GRID2: variants seen among roughly 807,000 people sequenced by gnomAD.
GRID2 encodes glutamate receptor ionotropic, delta-2.
In GRID2, 33 loss-of-function variants were observed where a neutral mutation model predicts 114.8. That is an observed-to-expected ratio of 0.29 (90% CI 0.22 to 0.38). GRID2 has a LOEUF of 0.38. Among genes scored for constraint, GRID2 ranks in the 10% least tolerant of loss-of-function variants. GRID2 has a pLI of 1.00. For synonymous variants in GRID2, 505 were observed against 449.9 expected (o/e 1.12, Z -1.55); for missense variants, 1,184 against 1,257.7 (o/e 0.94, Z 0.89).
chr4:93,481,308 AG>A (rs1389309716), intron 11 of GRID2, among the ~76,000 whole-genome samples: 1 of 152,100 alleles, frequency 6.6e-6, no homozygotes, highest in East Asian at 1.9e-4. Flanking sequence ...AATAACAAGA[AG>A]GTTCAGAAGA....
chr4:93,730,652 G>A (rs1560953177), intron 14 of GRID2, among the ~76,000 whole-genome samples: 1 of 152,156 alleles, frequency 6.6e-6, no homozygotes. Context: ...ATTGCTGAGG[G>A]AGCCCCAAAC....
At chr4:93,098,153 A>G (rs1731387362) in intron 3 of GRID2, among the ~76,000 whole-genome samples, 1 of 151,962 alleles carries the variant, frequency 6.6e-6, no homozygotes. Context: ...CCTCTTTTTA[A>G]AATACAAAGC....
chr4:93,275,930 C>T (rs1017196454), intron 8 of GRID2, among the ~76,000 whole-genome samples: 9 of 151,688 alleles, frequency 5.9e-5, no homozygotes, highest in Admixed American at 5.3e-4. Context: ...TTTTCACTTC[C>T]TTGATGTTAT....
chr4:93,316,276 A>AAAAGAACGAAAGAACGAAAGAACG (rs1245535342), intron 8 of GRID2, among the ~76,000 whole-genome samples: 71 of 57,388 alleles, frequency 1.2e-3, no homozygotes, highest in African/African-American at 1.6e-3. Context: ...AGAAAGAAAG[A>AAAAGAACGAAAGAACGAAAGAACG]AAAGAACGAA....
chr4:93,496,981 T>C (rs1331007939), intron 12 of GRID2, among the ~76,000 whole-genome samples: 1 of 151,790 alleles, frequency 6.6e-6, no homozygotes, highest in Non-Finnish European at 1.5e-5. Flanking sequence ...GGCTGTACCA[T>C]TTTGTGTTTC....
At chr4:93,282,857 C>T (rs562848242) in intron 8 of GRID2, among the ~76,000 whole-genome samples, 12 of 152,036 alleles carry the variant, frequency 7.9e-5, no homozygotes, top group African/African-American at 2.7e-4. Flanking sequence ...GAAGGCAAAG[C>T]GTGAACAGGC....
intron 8 of GRID2, among the ~76,000 whole-genome samples, chr4:93,353,250 C>T (rs1760981393): frequency 6.6e-6 from 1 of 151,816 alleles, no homozygotes; most frequent in East Asian, 1.9e-4. Context: ...AGAGCTGTCA[C>T]CAGATGTAAC....
chr4:92,741,742 C>T (rs1434452069), intron 2 of GRID2, among the ~76,000 whole-genome samples: 2 of 152,030 alleles, frequency 1.3e-5, no homozygotes, highest in Admixed American at 1.3e-4. Context: ...ATCTTTTTTC[C>T]CCTCAGAATA....
chr4:92,948,286 C>T (rs1751789163), intron 2 of GRID2, among the ~76,000 whole-genome samples: 1 of 151,742 alleles, frequency 6.6e-6, no homozygotes, highest in East Asian at 1.9e-4. Flanking sequence ...TTTTAACATC[C>T]TTTTTTGCTA....
At chr4:93,665,358 T>C (rs1723857591) in intron 14 of GRID2, among the ~76,000 whole-genome samples, 1 of 152,234 alleles carries the variant, frequency 6.6e-6, no homozygotes, top group African/African-American at 2.4e-5. Context: ...CCAAAATTAC[T>C]AATTCATACT....
chr4:92,666,367 A>G (rs1205924736), intron 2 of GRID2, among the ~76,000 whole-genome samples: 1 of 151,466 alleles, frequency 6.6e-6, no homozygotes, highest in Non-Finnish European at 1.5e-5. Context: ...AGTTGTTTTA[A>G]AGTCATTTTC....
intron 2 of GRID2, among the ~76,000 whole-genome samples, chr4:92,990,064 T>C (rs1256546251): frequency 2.6e-5 from 4 of 152,008 alleles, no homozygotes; most frequent in Admixed American, 2.0e-4. Flanking sequence ...TCAAACAAAA[T>C]AAAGACATTT....
intron 2 of GRID2, among the ~76,000 whole-genome samples, chr4:92,846,568 A>T (rs991168096): frequency 6.6e-6 from 1 of 152,046 alleles, no homozygotes; most frequent in African/African-American, 2.4e-5. Context: ...GTTGCTTATC[A>T]GGTCTTCCCC....
At chr4:93,097,048 G>A (rs1731283630) in intron 3 of GRID2, among the ~76,000 whole-genome samples, 1 of 151,946 alleles carries the variant, frequency 6.6e-6, no homozygotes, top group Non-Finnish European at 1.5e-5. Flanking sequence ...GAGTAATACT[G>A]TATGATTCCA....
intron 2 of GRID2, among the ~76,000 whole-genome samples, chr4:93,068,861 A>G: frequency 6.6e-6 from 1 of 152,018 alleles, no homozygotes; most frequent in East Asian, 1.9e-4. Context: ...TGATAGAGAA[A>G]AGGGATTTAA....
intron 2 of GRID2, among the ~76,000 whole-genome samples, chr4:92,888,933 A>G (rs1181665344): frequency 2.6e-5 from 4 of 151,976 alleles, no homozygotes; most frequent in Non-Finnish European, 4.4e-5. Context: ...AGATATACAC[A>G]TTTTACAGGT....
At chr4:93,117,360 A>G (rs1035559672) in intron 4 of GRID2, among the ~76,000 whole-genome samples, 2 of 152,122 alleles carry the variant, frequency 1.3e-5, no homozygotes, top group South Asian at 2.1e-4. Flanking sequence ...GATAAATATC[A>G]GCTTTCAGGA....
chr4:92,646,888 C>CTTTTTTTTTTTTT (rs33921659), intron 2 of GRID2, among the ~76,000 whole-genome samples: 3 of 56,128 alleles, frequency 5.3e-5, no homozygotes, highest in African/African-American at 1.1e-4. Context: ...TCTTTGAATT[C>CTTTTTTTTTTTTT]TTTTTTTTTT....
intron 2 of GRID2, among the ~76,000 whole-genome samples, chr4:92,701,948 C>G (rs989563798): frequency 6.6e-6 from 1 of 152,148 alleles, no homozygotes; most frequent in Non-Finnish European, 1.5e-5. Flanking sequence ...ATAATTTGAT[C>G]AACAGAATAA....
Sources: gnomAD v4.1 joint callset for allele counts (sites outside exome capture counted in the v4.1 genomes callset) on GRCh38, gnomAD v4.1.1 for gene constraint, MANE v1.5 for transcripts, NCBI Gene and HGNC (gene_info 2026-07-23, HGNC 2026-07-21) for gene names.